The following COL23A1 variants were observed in gnomAD, a reference collection of about 807,000 sequenced individuals.
COL23A1 encodes collagen type XXIII alpha 1 chain.
In COL23A1, 97 loss-of-function variants were observed where a neutral mutation model predicts 99.3. The ratio of observed to expected loss-of-function variants is 0.98; its 90% CI spans 0.83 to 1.16. The LOEUF (loss-of-function observed/expected upper bound fraction) is 1.16. COL23A1 is among the 50% of genes most tolerant of loss of function. The pLI is 0.00. For synonymous variants in COL23A1, 320 were observed against 308.2 expected (o/e 1.04, Z -0.40); for missense variants, 762 against 757.4 (o/e 1.01, Z -0.07).
intron 2 of COL23A1, among the ~76,000 whole-genome samples, chr5:178,427,881 A>G (rs1015224410): frequency 6.6e-6 from 1 of 152,200 alleles, no homozygotes; most frequent in African/African-American, 2.4e-5. Context: ...AATGGTGGAT[A>G]CATGTCATTG....
At chr5:178,369,330 G>A (rs956020617) in intron 2 of COL23A1, among the ~76,000 whole-genome samples, 1 of 152,182 alleles carries the variant, frequency 6.6e-6, no homozygotes, top group Non-Finnish European at 1.5e-5. Context: ...CCAGCTCCCA[G>A]GAAACTTCAC....
At chr5:178,538,979 G>T (rs1223430938) in intron 2 of COL23A1, among the ~76,000 whole-genome samples, 2 of 152,216 alleles carry the variant, frequency 1.3e-5, no homozygotes, top group Non-Finnish European at 2.9e-5. Flanking sequence ...GATGAAAAAG[G>T]CCACATGTTG....
chr5:178,423,311 G>T (rs988220971), intron 2 of COL23A1, among the ~76,000 whole-genome samples: 2 of 152,084 alleles, frequency 1.3e-5, no homozygotes, highest in African/African-American at 4.8e-5. Context: ...ATCTTTCACT[G>T]GGCTAGTGAT....
At chr5:178,311,727 TG>T (rs1403682278) in intron 2 of COL23A1, among the ~76,000 whole-genome samples, 29,479 of 120,330 alleles carry the variant, frequency 0.24, 5,872 homozygotes, top group African/African-American at 0.44. Flanking sequence ...TTTTTTGTTT[TG>T]TTTTGTTTTG....
intron 2 of COL23A1, among the ~76,000 whole-genome samples, chr5:178,518,500 G>A: frequency 6.8e-6 from 1 of 147,384 alleles, no homozygotes; most frequent in East Asian, 2.1e-4. Flanking sequence ...TCACCTCCCG[G>A]ACGGGGTGGC....
rs1766072839 is a variant in COL23A1 at position 178,428,489 on chromosome 5, G to A, written c.362-121570C>T. ...TGTGACAAGGACTGAGTGAGTGTCC[G>A]GAGTGACTGCCAGCTGGGCCTGTGC... On this transcript the variant is annotated intron_variant, in intron 2 of 28. Coordinates refer to ENST00000390654, the MANE Select transcript of COL23A1 (RefSeq NM_173465.4). This position sits in a 1 kb window ranked among gnomAD's most constrained non-coding sequence, Gnocchi z 5.0. Among the ~76,000 whole-genome samples the A allele has an allele frequency of 1.3e-5, 2 of 152,204 alleles. No individual in the cohort carries two copies. The highest frequency in any genetic ancestry group is 4.1e-4 in the South Asian group (2 of 4,834).
intron 2 of COL23A1, among the ~76,000 whole-genome samples, chr5:178,330,180 T>A (rs577549716): frequency 3.6e-4 from 55 of 152,344 alleles, no homozygotes; most frequent in African/African-American, 1.2e-3. Flanking sequence ...CTGCCCTCCC[T>A]GCAGAAGAAG....
At chr5:178,519,222 G>C (rs1296662670) in intron 2 of COL23A1, among the ~76,000 whole-genome samples, 1 of 152,266 alleles carries the variant, frequency 6.6e-6, no homozygotes, top group African/African-American at 2.4e-5. Context: ...GCCCCATTTT[G>C]TAGATGAGGA....
At chr5:178,315,522 G>A (rs1422794936) in intron 2 of COL23A1, among the ~76,000 whole-genome samples, 1 of 152,198 alleles carries the variant, frequency 6.6e-6, no homozygotes, top group Non-Finnish European at 1.5e-5. Flanking sequence ...CACCAGTGAT[G>A]CCCTCCTAAG....
Position 178,308,261 on chromosome 5 carries a change from C to T in COL23A1, c.362-1342G>A, listed in dbSNP as rs564414273. Among the ~76,000 whole-genome samples the T allele has an allele frequency of 2.0e-5, 3 of 152,198 alleles. No individual in the cohort carries two copies. The highest frequency in any genetic ancestry group is 2.1e-4 in the South Asian group (1 of 4,818). The stretch of plus-strand genomic sequence containing the variant: ...GAGGGGCCCTCAGTGCTACACGACA[C>T]GTCAAAAGATTTGCAGGCCCAGGGG... On this transcript the variant is annotated intron_variant, in intron 2 of 28. Transcript: ENST00000390654. This position sits in a 1 kb window ranked among gnomAD's most constrained non-coding sequence, Gnocchi z 5.1.
At chr5:178,323,844 A>G (rs1455685453) in intron 2 of COL23A1, among the ~76,000 whole-genome samples, 1 of 152,152 alleles carries the variant, frequency 6.6e-6, no homozygotes, top group East Asian at 1.9e-4. Context: ...GCCAGGAGGT[A>G]GCATCAACCC....
intron 2 of COL23A1, among the ~76,000 whole-genome samples, chr5:178,438,153 G>C (rs190352419): frequency 7.2e-5 from 11 of 152,354 alleles, no homozygotes; most frequent in Admixed American, 5.2e-4. Flanking sequence ...AAGGGATTAA[G>C]TGTGAAGAAC....
At chr5:178,259,639 C>T in intron 12 of COL23A1, 82 bp downstream of exon 12, 2 of 657,034 alleles carry the variant, frequency 3.0e-6, no homozygotes, top group Non-Finnish European at 5.0e-6. Context: ...CCATCCCCAT[C>T]CCCATTCCGT....
chr5:178,504,615 G>T (rs1015999317), intron 2 of COL23A1, among the ~76,000 whole-genome samples: 36 of 152,168 alleles, frequency 2.4e-4, no homozygotes, highest in African/African-American at 8.7e-4. Flanking sequence ...GAAAGGGGAG[G>T]TGCAGCCCCC....
intron 15 of COL23A1, 130 bp downstream of exon 15, chr5:178,256,222 TA>T: frequency 1.7e-6 from 1 of 591,290 alleles, no homozygotes; most frequent in Non-Finnish European, 2.7e-6. Flanking sequence ...TAAATGAGTT[TA>T]AAAAGTAAAA....
At position 178,289,820 on chromosome 5, in the gene COL23A1, G is replaced by A. The variant is rs148486449; in HGVS notation, c.414+542C>T. Among the ~76,000 whole-genome samples, 728 of 152,332 alleles carry A rather than the reference G, an allele frequency of 4.8e-3. 3 individuals carry two copies. The highest frequency in any genetic ancestry group is 8.2e-3 in the Admixed American group (126 of 15,304). On this transcript the variant is annotated intron_variant, in intron 4 of 28. Coordinates refer to ENST00000390654, the MANE Select transcript of COL23A1 (RefSeq NM_173465.4). ...CTTGCTAGGAAAATGGTCACAGAAC[G>A]TTCCGGCGAACAGGTCAAGCCTGTG...
intron 2 of COL23A1, among the ~76,000 whole-genome samples, chr5:178,437,397 C>T (rs994285660): frequency 3.9e-5 from 6 of 152,192 alleles, no homozygotes; most frequent in African/African-American, 1.4e-4. Context: ...AGGAGCAGAA[C>T]TGAGCCGGGT....
intron 2 of COL23A1, among the ~76,000 whole-genome samples, chr5:178,498,522 T>C: frequency 6.6e-6 from 1 of 151,708 alleles, no homozygotes; most frequent in Admixed American, 6.6e-5. Context: ...AGAGTGTGTG[T>C]ATTACAACTG....
chr5:178,430,509 T>C (rs1456408106), intron 2 of COL23A1, among the ~76,000 whole-genome samples: 2 of 152,312 alleles, frequency 1.3e-5, no homozygotes, highest in East Asian at 3.9e-4. Flanking sequence ...TCCTAGGGGC[T>C]GCCAATACCC....
Sources: allele counts gnomAD v4.1 joint callset (sites outside exome capture counted in the v4.1 genomes callset), GRCh38; gene constraint gnomAD v4.1.1; non-coding constraint Gnocchi (gnomAD v3.1); transcripts MANE v1.5; gene names NCBI Gene and HGNC (gene_info 2026-07-23, HGNC 2026-07-21).